The following KLHL29 variants were observed in gnomAD, a reference collection of about 807,000 sequenced individuals.
KLHL29 encodes kelch like family member 29, also known as kelch-like protein 29.
Under a neutral mutation model 80.4 loss-of-function variants are expected in KLHL29, and 21 were observed. The ratio of observed to expected loss-of-function variants is 0.26; its 90% CI spans 0.19 to 0.38. The LOEUF (loss-of-function observed/expected upper bound fraction) is 0.38. Among genes scored for constraint, KLHL29 ranks in the 10% least tolerant of loss-of-function variants. KLHL29 has a pLI of 1.00. For missense variants in KLHL29, 867 were observed against 1,223.9 expected, an observed-to-expected ratio of 0.71 and a Z score of 4.35; for synonymous variants, 511 against 526.8, an observed-to-expected ratio of 0.97 and a Z score of 0.41.
At chr2:23,594,725 G>A (rs1460876520) in intron 3 of KLHL29, among the ~76,000 whole-genome samples, 1 of 152,214 alleles carries the variant, frequency 6.6e-6, no homozygotes, top group Non-Finnish European at 1.5e-5. Context: ...CAACTCTGTT[G>A]TTCTTTGACT....
intron 1 of KLHL29, among the ~76,000 whole-genome samples, chr2:23,407,913 G>T (rs1666771172): frequency 1.3e-5 from 2 of 151,920 alleles, no homozygotes; most frequent in African/African-American, 4.8e-5. Context: ...GTTTTTTGTT[G>T]TTGTTGTTGT....
intron 1 of KLHL29, among the ~76,000 whole-genome samples, chr2:23,434,059 C>T (rs984791282): frequency 2.0e-5 from 3 of 152,130 alleles, no homozygotes; most frequent in African/African-American, 4.8e-5. Context: ...CGGTGGCTCA[C>T]GCCTGTAATC....
At chr2:23,643,953 CCTTT>C (rs1669848656) in intron 5 of KLHL29, 1 of 151,384 alleles carries the variant, frequency 6.6e-6, no homozygotes, top group Admixed American at 6.6e-5. Context: ...GGGTGCTCTG[CCTTT>C]CGGCAGAGCA....
At chr2:23,637,294 G>T (rs966061752) in intron 3 of KLHL29, among the ~76,000 whole-genome samples, 5 of 152,136 alleles carry the variant, frequency 3.3e-5, no homozygotes. Flanking sequence ...AGATCCTTCA[G>T]ACAGGGCACT....
chr2:23,644,174 A>G (rs1669855228), intron 5 of KLHL29: 1 of 152,230 alleles, frequency 6.6e-6, no homozygotes, highest in South Asian at 2.1e-4. Context: ...AGAAAATTAC[A>G]TCTAAATTCT....
At chr2:23,645,470 G>A (rs528237225) in intron 5 of KLHL29, among the ~76,000 whole-genome samples, 69 of 152,120 alleles carry the variant, frequency 4.5e-4, no homozygotes, top group African/African-American at 1.5e-3. Context: ...AAAAAAAAAA[G>A]AACTTTCCTT....
chr2:23,674,747 C>T (rs1022866460), intron 5 of KLHL29, among the ~76,000 whole-genome samples: 1 of 146,514 alleles, frequency 6.8e-6, no homozygotes, highest in Non-Finnish European at 1.5e-5. Flanking sequence ...GGGCCAGACT[C>T]GAGTCTCTCT....
intron 1 of KLHL29, among the ~76,000 whole-genome samples, chr2:23,425,857 G>T (rs931307923): frequency 1.3e-5 from 2 of 152,220 alleles, no homozygotes; most frequent in African/African-American, 2.4e-5. Context: ...TAGTGATCCA[G>T]GCTGGGTCTC....
At chr2:23,629,474 C>T (rs777724689) in intron 3 of KLHL29, among the ~76,000 whole-genome samples, 12 of 151,106 alleles carry the variant, frequency 7.9e-5, no homozygotes, top group Admixed American at 6.6e-4. Flanking sequence ...AAGAAGTTTT[C>T]GGTTGAAAGT....
At chr2:23,423,291 G>C (rs72846879) in intron 1 of KLHL29, among the ~76,000 whole-genome samples, 1 of 152,190 alleles carries the variant, frequency 6.6e-6, no homozygotes, top group Non-Finnish European at 1.5e-5. Flanking sequence ...CGTCTGCTGC[G>C]TGGTCAGCCT....
At chr2:23,580,233 A>G (rs922590260) in intron 3 of KLHL29, among the ~76,000 whole-genome samples, 8 of 151,818 alleles carry the variant, frequency 5.3e-5, no homozygotes, top group African/African-American at 1.7e-4. Flanking sequence ...CTAGCCGGGC[A>G]TGGTGGCAGG....
rs535247449 is a variant in KLHL29 at position 23,680,224 on chromosome 2, A to G, written c.941-4175A>G. Among the ~76,000 whole-genome samples, 1 of 152,000 alleles carries G rather than the reference A, an allele frequency of 6.6e-6. No homozygotes were observed. The highest frequency in any genetic ancestry group is 2.4e-5 in the African/African-American group (1 of 41,388). On this transcript the variant is annotated intron_variant, in intron 5 of 13. Coordinates refer to ENST00000486442, the MANE Select transcript of KLHL29 (RefSeq NM_052920.2). The surrounding 1 kb of genome is among the most constrained non-coding windows in gnomAD (Gnocchi z 4.1). ...GAGGCTGGATCCTGAGAATTCTAGG[A>G]GGTAAAAAGATGGGACTTGGTGTGA...
chr2:23,644,549 C>CT (rs1324905792), intron 5 of KLHL29, among the ~76,000 whole-genome samples: 1 of 152,264 alleles, frequency 6.6e-6, no homozygotes, highest in African/African-American at 2.4e-5. Flanking sequence ...CAGCACCAAG[C>CT]TGGGATCTGC....
rs1021232242 is a variant in KLHL29 at position 23,562,045 on chromosome 2, G to A, written c.-45-107G>A. On this transcript the variant is annotated intron_variant, in intron 2 of 13. Transcript: ENST00000486442. The surrounding 1 kb of genome is among the most constrained non-coding windows in gnomAD (Gnocchi z 4.5). ...TAGCGTGACTCTGAAATGAGCTAATGTTTGAAGGCCTGTTATTGAACCCAG... is the reference window on the plus strand; with the variant it reads ...TAGCGTGACTCTGAAATGAGCTAATATTTGAAGGCCTGTTATTGAACCCAG... 1.3e-6 allele frequency: 1 copy of A among 777,718 alleles called. No homozygotes were observed. Among genetic ancestry groups the A allele is most frequent in the Admixed American group, 2.6e-5 (1 of 38,174 alleles). The allele number at this position is 777,718 out of a possible 1,614,324, so 48.2% of individuals were successfully genotyped here.
At chr2:23,556,689 C>T (rs1667305546) in intron 2 of KLHL29, among the ~76,000 whole-genome samples, 1 of 151,928 alleles carries the variant, frequency 6.6e-6, no homozygotes, top group Non-Finnish European at 1.5e-5. Flanking sequence ...GGGTTCTGCC[C>T]TCCTCCCCTC....
intron 3 of KLHL29, among the ~76,000 whole-genome samples, chr2:23,623,709 A>G (rs1011799441): frequency 6.6e-6 from 1 of 152,178 alleles, no homozygotes; most frequent in African/African-American, 2.4e-5. Context: ...GTGTGGGCTC[A>G]GTTATGTAAG....
intron 5 of KLHL29, among the ~76,000 whole-genome samples, chr2:23,658,846 A>C (rs545444937): frequency 6.6e-6 from 1 of 152,294 alleles, no homozygotes; most frequent in African/African-American, 2.4e-5. Flanking sequence ...AGGGCCTGGG[A>C]ACCAGGTCTC....
At chr2:23,594,621 G>A (rs949774687) in intron 3 of KLHL29, among the ~76,000 whole-genome samples, 2 of 152,130 alleles carry the variant, frequency 1.3e-5, no homozygotes, top group African/African-American at 2.4e-5. Context: ...TGAGGAATTG[G>A]TGAAACAGAA....
At chr2:23,628,790 G>C (rs1346069809) in intron 3 of KLHL29, among the ~76,000 whole-genome samples, 4 of 152,194 alleles carry the variant, frequency 2.6e-5, no homozygotes, top group African/African-American at 4.8e-5. Context: ...TTCCTCACCA[G>C]CTTCACTACG....
Sources: allele counts gnomAD v4.1 joint callset (sites outside exome capture counted in the v4.1 genomes callset), GRCh38; gene constraint gnomAD v4.1.1; non-coding constraint Gnocchi (gnomAD v3.1); transcripts MANE v1.5; gene names NCBI Gene and HGNC (gene_info 2026-07-23, HGNC 2026-07-21).